Variants in DAPK1 observed in about 807,000 individuals in gnomAD.
The protein encoded by DAPK1 is death-associated protein kinase 1.
A neutral mutation model predicts 144.9 loss-of-function variants in DAPK1; 56 were observed. That is an observed-to-expected ratio of 0.39 (90% confidence interval 0.31 to 0.48). The LOEUF is 0.48. Among genes scored for constraint, DAPK1 ranks in the 20% least tolerant of loss-of-function variants. The pLI is 0.95. For missense variants in DAPK1, 1,454 were observed against 1,875.4 expected (o/e 0.78, Z 4.15); for synonymous variants, 690 against 749.0 (o/e 0.92, Z 1.29).
chr9:87,530,704 G>A (rs2118351713), intron 2 of DAPK1, among the ~76,000 whole-genome samples: 1 of 152,204 alleles, frequency 6.6e-6, no homozygotes, highest in Admixed American at 6.5e-5. Context: ...GACATTATGG[G>A]ACAGACTGAG....
At chr9:87,639,745 T>TA in intron 6 of DAPK1, 44 bp from the exon 7 acceptor site, 2 of 1,612,958 alleles carry the variant, frequency 1.2e-6, no homozygotes, top group Non-Finnish European at 1.7e-6. Flanking sequence ...TTTATTTGAC[T>TA]ATTCTTCTGA....
intron 2 of DAPK1, among the ~76,000 whole-genome samples, chr9:87,570,359 G>C (rs1204474348): frequency 6.6e-6 from 1 of 152,168 alleles, no homozygotes; most frequent in East Asian, 1.9e-4. Flanking sequence ...CATTAGCAAA[G>C]AAGAGAAAAA....
rs990929391 is a variant in DAPK1 at position 87,632,243 on chromosome 9, AG to A, written c.285-5698del. 4 of 982,176 alleles carry A rather than the reference AG, an allele frequency of 4.1e-6. No homozygotes were observed. The East Asian group carries it at 3.4e-4, about 84-fold the overall frequency. The allele number at this position is 982,176 out of a possible 1,614,324, so 60.8% of individuals were successfully genotyped here. A position where few individuals can be genotyped will look rare whatever the true frequency, so the allele number is the denominator to read the frequency against. ...GGGATAAAGGAGGATCGGTATATAT[AG>A]GAGTGAAGGGTGATCAGTATATATG... On this transcript the variant is annotated intron_variant, in intron 3 of 25. Coordinates refer to ENST00000408954, the MANE Select transcript of DAPK1 (RefSeq NM_004938.4).
chr9:87,651,440 C>T (rs776468382), intron 16 of DAPK1, 87 bp from the exon 17 acceptor site: 15 of 1,333,556 alleles, frequency 1.1e-5, no homozygotes, highest in African/African-American at 1.4e-5. Context: ...CCAATTAAAC[C>T]TCACTCGATG....
intron 17 of DAPK1, among the ~76,000 whole-genome samples, chr9:87,653,032 T>A (rs1263228775): frequency 7.0e-6 from 1 of 142,230 alleles, no homozygotes; most frequent in African/African-American, 2.6e-5. Flanking sequence ...TCTCACCTGA[T>A]CCCAGGTCCT....
intron 19 of DAPK1, among the ~76,000 whole-genome samples, chr9:87,674,196 G>A (rs369752634): frequency 9.9e-5 from 15 of 152,134 alleles, no homozygotes; most frequent in South Asian, 4.2e-4. Context: ...CAGATTTTCC[G>A]TAAGCCTGAA....
At chr9:87,597,468 A>G (rs1828359630) in intron 2 of DAPK1, among the ~76,000 whole-genome samples, 1 of 152,196 alleles carries the variant, frequency 6.6e-6, no homozygotes, top group East Asian at 1.9e-4. Context: ...AAAAATGTCA[A>G]GGAGAAGTTT....
chr9:87,600,828 A>T (rs1275518659), intron 2 of DAPK1, among the ~76,000 whole-genome samples: 1 of 152,172 alleles, frequency 6.6e-6, no homozygotes, highest in Non-Finnish European at 1.5e-5. Flanking sequence ...GCCTCAGTGC[A>T]TGGGTGTGAG....
chr9:87,666,400 A>G (rs1012779242), intron 18 of DAPK1, among the ~76,000 whole-genome samples: 3 of 152,020 alleles, frequency 2.0e-5, no homozygotes, highest in Admixed American at 2.0e-4. Flanking sequence ...TTAGAGCAAC[A>G]TGTTTTGCAA....
intron 2 of DAPK1, among the ~76,000 whole-genome samples, chr9:87,516,340 C>A (rs370711848): frequency 6.6e-6 from 1 of 152,120 alleles, no homozygotes; most frequent in East Asian, 1.9e-4. Context: ...GTTCTCCCAG[C>A]GGGCCCGTTC....
chr9:87,600,195 GCCTCTCCAATTTTCCACGAT>G (rs1409135382), intron 2 of DAPK1, among the ~76,000 whole-genome samples: 4 of 152,318 alleles, frequency 2.6e-5, no homozygotes, highest in South Asian at 2.1e-4. Context: ...GTGTGCAGCA[GCCTCTCCAATTTTCCACGAT>G]CCTCTCCAAT....
intron 2 of DAPK1, among the ~76,000 whole-genome samples, chr9:87,560,804 T>C (rs1826884821): frequency 6.6e-6 from 1 of 151,922 alleles, no homozygotes; most frequent in South Asian, 2.1e-4. Context: ...TAGCTAAGAT[T>C]ATAGGCACCC....
intron 2 of DAPK1, among the ~76,000 whole-genome samples, chr9:87,594,358 G>C (rs769858801): frequency 6.6e-6 from 1 of 152,178 alleles, no homozygotes; most frequent in African/African-American, 2.4e-5. Flanking sequence ...TGCAGTTCAC[G>C]TATCCTTTAG....
In DAPK1 at chr9:87,622,068, T is replaced by A. The variant is rs74481988; in HGVS notation, c.285-15875T>A. ...GCTGCCTTGCACTTTTTTTTTTTTT[T>A]ATTTCTCTGAGTTGATGGCCTCTAC... is the stretch of plus-strand genomic sequence containing the variant. On this transcript the variant is annotated intron_variant, in intron 3 of 25. Transcript: ENST00000408954. Among the ~76,000 whole-genome samples the A allele has an allele frequency of 1.6e-3, 235 of 145,904 alleles. 1 individual carries two copies. Among genetic ancestry groups the A allele is most frequent in the African/African-American group, 5.8e-3 (222 of 38,322 alleles).
intron 11 of DAPK1, 54 bp downstream of exon 11, chr9:87,643,522 T>C: frequency 8.8e-7 from 1 of 1,137,016 alleles, no homozygotes; most frequent in Non-Finnish European, 1.3e-6. Context: ...GTACTCAGAA[T>C]GACCAAGCTG....
chr9:87,548,913 C>CTTTTTTTTTTTTTTTTTTTTTTTTTT (rs11291160), intron 2 of DAPK1, among the ~76,000 whole-genome samples: 5 of 63,870 alleles, frequency 7.8e-5, no homozygotes, highest in African/African-American at 1.3e-4. Flanking sequence ...GATTTCATTC[C>CTTTTTTTTTTTTTTTTTTTTTTTTTT]TTTTTTTTTT....
chr9:87,580,402 G>A (rs529006201), intron 2 of DAPK1, among the ~76,000 whole-genome samples: 13 of 152,236 alleles, frequency 8.5e-5, no homozygotes, highest in Middle Eastern at 3.4e-3. Context: ...TCCAGAGATG[G>A]CAACTGGAAA....
intron 2 of DAPK1, among the ~76,000 whole-genome samples, chr9:87,585,820 G>A (rs1158207003): frequency 5.9e-5 from 9 of 152,218 alleles, no homozygotes; most frequent in Non-Finnish European, 8.8e-5. Flanking sequence ...TGTGCTGTGT[G>A]TGTGTAAAGC....
At chr9:87,510,277 G>A (rs1489804607) in intron 2 of DAPK1, among the ~76,000 whole-genome samples, 1 of 152,140 alleles carries the variant, frequency 6.6e-6, no homozygotes, top group Non-Finnish European at 1.5e-5. Context: ...TGTGATTTGG[G>A]CATTGAATGA....
Sources: gnomAD v4.1 joint callset for allele counts (sites outside exome capture counted in the v4.1 genomes callset) on GRCh38, gnomAD v4.1.1 for gene constraint, MANE v1.5 for transcripts, NCBI Gene and HGNC (gene_info 2026-07-23, HGNC 2026-07-21) for gene names.